Variants in SEC61A1 observed in about 807,000 individuals in gnomAD.
SEC61A1 encodes the protein SEC61 translocon subunit alpha 1.
SEC61A1 carries 15 observed loss-of-function variants against 55.2 expected under a neutral mutation model. That is an observed-to-expected ratio of 0.27 (90% CI 0.18 to 0.42). SEC61A1 has a LOEUF of 0.42. SEC61A1 is among the 10% of genes least tolerant of loss of function. The pLI, the probability that SEC61A1 is intolerant of heterozygous loss-of-function variation, is 1.00. For synonymous variants in SEC61A1, 247 were observed against 234.0 expected (o/e 1.06, Z -0.51); for missense variants, 284 against 602.6 (o/e 0.47, Z 5.53).
At chr3:128,060,763 G>A (rs1941839850) in intron 7 of SEC61A1, 102 bp downstream of exon 7, 1 of 1,229,594 alleles carries the variant, frequency 8.1e-7, no homozygotes, top group Non-Finnish European at 1.1e-6. Flanking sequence ...GAAAAATAAT[G>A]TCAGTTTTAG....
chr3:128,060,294 A>G, intron 6 of SEC61A1, 83 bp downstream of exon 6: 1 of 1,148,426 alleles, frequency 8.7e-7, no homozygotes, highest in Non-Finnish European at 1.3e-6. Context: ...AAGCACACCT[A>G]AAAGGAACTC....
At position 128,064,902 on chromosome 3, in the gene SEC61A1, C is replaced by T. The variant is rs1240393119; in HGVS notation, c.642C>T (p.Ile214=). 16 of 1,611,154 alleles carry T rather than the reference C, an allele frequency of 9.9e-6. No individual in the cohort carries two copies. The highest frequency in any genetic ancestry group is 1.1e-5 in the South Asian group (1 of 90,608). ...GAATGGAATTTGAAGGTGCTATCAT[C>T]GCACTTTTCCATCTGCTGGCCACAC... The part of the protein sequence containing the change: ...GRGMEFEGAI[I]ALFHLLATRT... The change falls in exon 8 of 12, where the codon ATC becomes ATT. Residue 214 remains isoleucine (I), a synonymous_variant. Transcript: ENST00000243253.
intron 5 of SEC61A1, 112 bp from the exon 6 acceptor site, chr3:128,059,990 G>C: frequency 5.3e-6 from 4 of 748,030 alleles, no homozygotes; most frequent in Non-Finnish European, 6.9e-6. Flanking sequence ...TAGTATCACT[G>C]CTCTTCATCT....
upstream of SEC61A1, chr3:128,052,023 T>G: frequency 1.2e-6 from 1 of 828,444 alleles, no homozygotes; most frequent in Non-Finnish European, 2.0e-6. Context: ...GCTTACGGTC[T>G]ATTCACTAAC....
intron 8 of SEC61A1, 67 bp from the exon 9 acceptor site, chr3:128,066,887 G>A: frequency 6.6e-7 from 1 of 1,517,384 alleles, no homozygotes; most frequent in East Asian, 2.3e-5. Context: ...CCCCGGCCGG[G>A]CTGTGTTTCT....
In SEC61A1 at chr3:128,056,690, G is replaced by A; in HGVS notation, c.221-19G>A. On this transcript the variant is annotated intron_variant, in intron 4 of 11. Coordinates refer to ENST00000243253, the MANE Select transcript of SEC61A1 (RefSeq NM_013336.4). Reference sequence around the variant, plus strand: ...TTTCCAAGCTGATATTGACTGTTTTGCTTCCCCGTTTCCTCAAGGCACATT... The same window carrying A: ...TTTCCAAGCTGATATTGACTGTTTTACTTCCCCGTTTCCTCAAGGCACATT... 1 of 1,502,898 alleles carries A rather than the reference G, an allele frequency of 6.7e-7. No homozygotes were observed. Among genetic ancestry groups the A allele is most frequent in the Non-Finnish European group, 8.9e-7 (1 of 1,120,360 alleles). The allele number at this position is 1,502,898 out of a possible 1,614,324, so 93.1% of individuals were successfully genotyped here.
At chr3:128,057,315 C>A (rs1941787400) in intron 5 of SEC61A1, among the ~76,000 whole-genome samples, 1 of 152,204 alleles carries the variant, frequency 6.6e-6, no homozygotes, top group South Asian at 2.1e-4. Flanking sequence ...CGTGAGAGAG[C>A]ACTTCTGGTA....
rs72974027 is a variant in SEC61A1 at position 128,060,276 on chromosome 3, C to T, written c.462+65C>T. On this transcript the variant is annotated intron_variant, in intron 6 of 11. Transcript: ENST00000243253. ...ACACTTACCTACAATTCTCACATAA[C>T]GAATCTCAAGCACACCTAAAAGGAA... The T allele has an allele frequency of 5.6e-5, 71 of 1,261,048 alleles. No individual in the cohort carries two copies. The African/African-American group carries it at 8.7e-4, about 15-fold the overall frequency. 78.1% of individuals were successfully genotyped at this position (1,261,048 alleles called of 1,614,324 possible).
At chr3:128,051,964 G>C (rs1274855155), upstream of SEC61A1, 5 of 1,355,988 alleles carry the variant, frequency 3.7e-6, no homozygotes, top group Non-Finnish European at 4.1e-6. Flanking sequence ...AGACCTACTA[G>C]GTGACGGGCG....
rs749386977 is a variant in SEC61A1 at position 128,067,464 on chromosome 3, G to A, written c.1019G>A (p.Gly340Asp). Residue 340 changes from glycine (G) to aspartate (D), a missense_variant, in exon 10 of 12, where the codon GGC becomes GAC. Transcript: ENST00000243253. The surrounding 1 kb of genome is among the most constrained non-coding windows in gnomAD (Gnocchi z 4.1). ...GGPARAYPVG[G>D]LCYYLSPPES... Reference sequence around the variant, plus strand: ...CCAGCACGTGCTTATCCAGTTGGTGGCCTTTGCTATTACCTGTCCCCTCCA... The same window carrying A: ...CCAGCACGTGCTTATCCAGTTGGTGACCTTTGCTATTACCTGTCCCCTCCA... The A allele has an allele frequency of 1.9e-6, 3 of 1,614,146 alleles. No homozygotes were observed. Among genetic ancestry groups the A allele is most frequent in the Non-Finnish European group, 2.5e-6 (3 of 1,180,020 alleles).
At position 128,055,502 on chromosome 3, in the gene SEC61A1, C is replaced by T. The variant is rs777586806; in HGVS notation, c.76-14C>T. 2 of 1,595,658 alleles carry T rather than the reference C, an allele frequency of 1.3e-6. No individual in the cohort carries two copies. The highest frequency in any genetic ancestry group is 1.3e-5 in the African/African-American group (1 of 74,506). ...AAGTAACTCCCTGCTTCAATTCATT[C>T]TCTCCTACTCTAGATTCAGTTTAAG... On this transcript the variant is annotated splice_polypyrimidine_tract_variant and intron_variant, in intron 2 of 11. Coordinates refer to ENST00000243253, the MANE Select transcript of SEC61A1 (RefSeq NM_013336.4).
rs929449438 is a variant in SEC61A1, at chr3:128,069,925, A to G, written c.*263A>G. 1.0e-5 allele frequency: 4 copies of G among 386,744 alleles called. No homozygotes were observed. Among genetic ancestry groups the G allele is most frequent in the Non-Finnish European group, 1.9e-5 (4 of 215,210 alleles). 24.0% of individuals were successfully genotyped at this position (386,744 alleles called of 1,614,324 possible). A position where few individuals can be genotyped will look rare whatever the true frequency, so the allele number is the denominator to read the frequency against. On this transcript the variant is annotated 3_prime_UTR_variant, in exon 12 of 12. Transcript: ENST00000243253. ...TGGGAATGGTATAGGATTGTCCCCA[A>G]GTGTCCATGTAACTTTTGTTTTAAC...
intron 11 of SEC61A1, chr3:128,068,663 C>T (rs1216733421): frequency 1.9e-5 from 3 of 154,110 alleles, no homozygotes; most frequent in Non-Finnish European, 2.9e-5. Context: ...GAGTTTGGGC[C>T]AGAGGTGATG....
In SEC61A1 at chr3:128,052,486, G is replaced by A; in HGVS notation, c.-67G>A. On this transcript the variant is annotated 5_prime_UTR_variant, in exon 1 of 12. Coordinates refer to ENST00000243253, the MANE Select transcript of SEC61A1 (RefSeq NM_013336.4). Reference sequence around the variant, plus strand: ...GTGCAGTGGAACGCGCTGGGCCGCGGGCAGCGTCGCCTCACGCGGAGCAGA... The same window carrying A: ...GTGCAGTGGAACGCGCTGGGCCGCGAGCAGCGTCGCCTCACGCGGAGCAGA... The A allele has an allele frequency of 6.4e-7, 1 of 1,560,632 alleles. No individual in the cohort carries two copies. The highest frequency in any genetic ancestry group is 8.7e-7 in the Non-Finnish European group (1 of 1,154,264).
chr3:128,056,611 A>G, intron 4 of SEC61A1, 98 bp from the exon 5 acceptor site: 1 of 1,102,546 alleles, frequency 9.1e-7, no homozygotes, highest in Non-Finnish European at 1.2e-6. Context: ...TTGGTTTTAT[A>G]TAAGGGGTAC....
chr3:128,065,678 T>C (rs1941951319), intron 8 of SEC61A1, among the ~76,000 whole-genome samples: 1 of 150,492 alleles, frequency 6.6e-6, no homozygotes, highest in South Asian at 2.1e-4. Context: ...TCTTGCTTAA[T>C]AAAAAGCTAT....
chr3:128,062,206 G>A (rs918515554), intron 7 of SEC61A1, among the ~76,000 whole-genome samples: 3 of 152,242 alleles, frequency 2.0e-5, no homozygotes, highest in African/African-American at 7.2e-5. Flanking sequence ...TGGCTGACAC[G>A]AGATGCATTC....
chr3:128,068,178 A>C (rs1942041566), intron 11 of SEC61A1, 119 bp downstream of exon 11: 1 of 718,844 alleles, frequency 1.4e-6, no homozygotes, highest in South Asian at 1.6e-5. Flanking sequence ...TCCTTGGGTT[A>C]CAGGACAGAA....
At chr3:128,066,405 A>G (rs1941979370) in intron 8 of SEC61A1, among the ~76,000 whole-genome samples, 1 of 151,716 alleles carries the variant, frequency 6.6e-6, no homozygotes, top group Non-Finnish European at 1.5e-5. Context: ...GGTGGGGATC[A>G]TTCCACCGTG....
Sources: gnomAD v4.1 joint callset for allele counts (sites outside exome capture counted in the v4.1 genomes callset) on GRCh38, gnomAD v4.1.1 for gene constraint, Gnocchi (gnomAD v3.1) non-coding constraint, MANE v1.5 for transcripts, NCBI Gene and HGNC (gene_info 2026-07-23, HGNC 2026-07-21) for gene names.